The following TRPS1 variants were observed in gnomAD, a reference collection of about 807,000 sequenced individuals.
TRPS1 encodes transcriptional repressor GATA binding 1.
TRPS1 carries 6 observed loss-of-function variants against 101.2 expected under a neutral mutation model. The ratio of observed to expected loss-of-function variants is 0.06; its 90% CI spans 0.03 to 0.12. TRPS1 has a LOEUF of 0.12. Ranked by LOEUF, TRPS1 falls within the 10% of genes least tolerant of loss-of-function variation. The pLI is 1.00. For missense variants in TRPS1, 1,363 were observed against 1,567.0 expected, an observed-to-expected ratio of 0.87 and a Z score of 2.20; for synonymous variants, 578 against 589.8, an observed-to-expected ratio of 0.98 and a Z score of 0.29.
At chr8:115,582,667 G>T (rs1817478517) in intron 5 of TRPS1, among the ~76,000 whole-genome samples, 1 of 152,178 alleles carries the variant, frequency 6.6e-6, no homozygotes, top group Non-Finnish European at 1.5e-5. Flanking sequence ...TTGAAAGTCA[G>T]TGGCTCAACT....
chr8:115,661,811 T>C (rs1216727900), intron 1 of TRPS1: 1 of 151,426 alleles, frequency 6.6e-6, no homozygotes, highest in Non-Finnish European at 1.5e-5. Context: ...CCCCACCACT[T>C]ACCAGTAAAC....
Position 115,632,994 on chromosome 8 carries a change from C to T in TRPS1, c.-121-9236G>A, listed in dbSNP as rs370799199. ...CAGCTAAAGTTTAAGAGTGTGTGTGCGATTTTTCAGTGAAACAGCAGTTGC... is the reference window on the plus strand; with the variant it reads ...CAGCTAAAGTTTAAGAGTGTGTGTGTGATTTTTCAGTGAAACAGCAGTTGC... On this transcript the variant is annotated intron_variant, in intron 1 of 6. Transcript: ENST00000395715. Among the ~76,000 whole-genome samples the T allele has an allele frequency of 1.2e-3, 178 of 152,020 alleles. 2 individuals are homozygous for T. Among genetic ancestry groups the T allele is most frequent in the African/African-American group, 4.0e-3 (165 of 41,462 alleles).
chr8:115,656,010 A>G (rs1208063719), intron 1 of TRPS1, among the ~76,000 whole-genome samples: 1 of 152,132 alleles, frequency 6.6e-6, no homozygotes, highest in Non-Finnish European at 1.5e-5. Flanking sequence ...ACACCAAAAT[A>G]TTGTTAAATA....
intron 5 of TRPS1, among the ~76,000 whole-genome samples, chr8:115,425,872 A>C (rs932924044): frequency 1.3e-5 from 2 of 152,244 alleles, no homozygotes; most frequent in Non-Finnish European, 2.9e-5. Context: ...TCATAATGAA[A>C]TTACATAATA....
intron 4 of TRPS1, among the ~76,000 whole-genome samples, chr8:115,592,620 A>G (rs987352871): frequency 6.6e-6 from 1 of 152,162 alleles, no homozygotes; most frequent in African/African-American, 2.4e-5. Context: ...AGGACAGAAA[A>G]CATATTAAAA....
At chr8:115,565,303 G>A (rs188014435) in intron 5 of TRPS1, among the ~76,000 whole-genome samples, 13 of 152,182 alleles carry the variant, frequency 8.5e-5, no homozygotes, top group African/African-American at 3.1e-4. Context: ...TACCCTGCAA[G>A]GAGATTCAAA....
chr8:115,552,078 G>A (rs781516267), intron 5 of TRPS1, among the ~76,000 whole-genome samples: 1 of 152,144 alleles, frequency 6.6e-6, no homozygotes, highest in African/African-American at 2.4e-5. Context: ...CCAGCGACAT[G>A]TTCAATTACT....
chr8:115,421,552 T>C (rs1813054296), intron 5 of TRPS1, among the ~76,000 whole-genome samples: 1 of 152,180 alleles, frequency 6.6e-6, no homozygotes, highest in Non-Finnish European at 1.5e-5. Flanking sequence ...TATCTAGGTG[T>C]TCGCACCTAG....
At chr8:115,627,444 C>T (rs1259796879) in intron 1 of TRPS1, among the ~76,000 whole-genome samples, 2 of 151,774 alleles carry the variant, frequency 1.3e-5, no homozygotes, top group Non-Finnish European at 3.0e-5. Flanking sequence ...CTCTGTTAAA[C>T]TTAGGCTATT....
At chr8:115,576,384 G>C (rs1357978854) in intron 5 of TRPS1, among the ~76,000 whole-genome samples, 2 of 151,944 alleles carry the variant, frequency 1.3e-5, no homozygotes, top group Non-Finnish European at 2.9e-5. Context: ...GTTGCCTCGG[G>C]TATCAATTCA....
chr8:115,625,846 C>A (rs375599541), intron 1 of TRPS1, among the ~76,000 whole-genome samples: 5 of 151,724 alleles, frequency 3.3e-5, no homozygotes, highest in East Asian at 3.9e-4. Context: ...AATCTTGTTG[C>A]GCATAATTTT....
At chr8:115,554,439 T>G (rs542984787) in intron 5 of TRPS1, among the ~76,000 whole-genome samples, 5 of 152,268 alleles carry the variant, frequency 3.3e-5, no homozygotes, top group Non-Finnish European at 7.4e-5. Flanking sequence ...GACCCACCCC[T>G]TTCCTAGAAC....
At chr8:115,506,240 A>G (rs1368005304) in intron 5 of TRPS1, among the ~76,000 whole-genome samples, 1 of 152,026 alleles carries the variant, frequency 6.6e-6, no homozygotes, top group Non-Finnish European at 1.5e-5. Context: ...ATGGGGTAAA[A>G]AAACATGCAG....
chr8:115,415,976 G>C (rs800900), intron 6 of TRPS1, among the ~76,000 whole-genome samples: 42 of 151,854 alleles, frequency 2.8e-4, no homozygotes, highest in African/African-American at 9.9e-4. Flanking sequence ...GGTCATCAAA[G>C]CAATAGAGAG....
intron 1 of TRPS1, among the ~76,000 whole-genome samples, chr8:115,645,553 C>T (rs573748850): frequency 1.3e-5 from 2 of 152,122 alleles, no homozygotes; most frequent in East Asian, 3.9e-4. Context: ...AAAAATAAGA[C>T]AGTCATTAAC....
chr8:115,443,913 A>T (rs1813668026), intron 5 of TRPS1, among the ~76,000 whole-genome samples: 1 of 152,192 alleles, frequency 6.6e-6, no homozygotes, highest in South Asian at 2.1e-4. Flanking sequence ...CAAATACTTC[A>T]ACTTGAGTAT....
chr8:115,658,345 T>C (rs1297377507), intron 1 of TRPS1, among the ~76,000 whole-genome samples: 3 of 152,076 alleles, frequency 2.0e-5, no homozygotes, highest in Non-Finnish European at 4.4e-5. Context: ...GTGGGGTTTA[T>C]CTAAAATTCC....
Position 115,408,918 on chromosome 8 carries a change from C to G in TRPS1, c.*5105G>C, listed in dbSNP as rs1185834491. 6.6e-6 allele frequency: 1 copy of G among 152,148 alleles called. No homozygotes were observed. Among genetic ancestry groups the G allele is most frequent in the African/African-American group, 2.4e-5 (1 of 41,296 alleles). 9.4% of individuals were successfully genotyped at this position (152,148 alleles called of 1,614,324 possible). A position where few individuals can be genotyped will look rare whatever the true frequency, so the allele number is the denominator to read the frequency against. On this transcript the variant is annotated 3_prime_UTR_variant, in exon 7 of 7. Coordinates refer to ENST00000395715, the MANE Select transcript of TRPS1 (RefSeq NM_014112.5). ...TTGTGATATTTGCCTTATTGGTAGC[C>G]ATTAAGAAACTATGATTTTATCAGC...
In TRPS1 at chr8:115,418,974, C is replaced by T. The variant is rs888740877; in HGVS notation, c.2701-522G>A. Among the ~76,000 whole-genome samples the T allele has an allele frequency of 3.3e-5, 5 of 152,140 alleles. No individual in the cohort carries two copies. Among genetic ancestry groups the T allele is most frequent in the Non-Finnish European group, 2.9e-5 (2 of 68,030 alleles). On this transcript the variant is annotated intron_variant, in intron 5 of 6. Transcript: ENST00000395715. The surrounding 1 kb of genome is among the most constrained non-coding windows in gnomAD (Gnocchi z 4.3). ...TATAAGACACTCAATTCTGGTCTTT[C>T]GTTTGCAATTGTAAAATCTGAAAGA...
Sources: gnomAD v4.1 joint callset for allele counts (sites outside exome capture counted in the v4.1 genomes callset) on GRCh38, gnomAD v4.1.1 for gene constraint, Gnocchi (gnomAD v3.1) non-coding constraint, MANE v1.5 for transcripts, NCBI Gene and HGNC (gene_info 2026-07-23, HGNC 2026-07-21) for gene names.